DSE: variants seen among roughly 807,000 people sequenced by gnomAD.
The protein encoded by DSE is dermatan sulfate epimerase, also known as dermatan-sulfate epimerase.
A neutral mutation model predicts 84.4 loss-of-function variants in DSE; 36 were observed. The ratio of observed to expected loss-of-function variants is 0.43; its 90% CI spans 0.33 to 0.56. The LOEUF is 0.56. DSE is among the 20% of genes least tolerant of loss of function. DSE has a pLI of 0.06. For synonymous variants in DSE, 410 were observed against 430.1 expected, an observed-to-expected ratio of 0.95 and a Z score of 0.58; for missense variants, 862 against 1,169.6, an observed-to-expected ratio of 0.74 and a Z score of 3.84.
chr6:116,383,769 G>A (rs1780399459), intron 1 of DSE, among the ~76,000 whole-genome samples: 1 of 152,166 alleles, frequency 6.6e-6, no homozygotes, highest in African/African-American at 2.4e-5. Context: ...TTCTGCAGCA[G>A]CATGTTATTT....
At chr6:116,330,959 C>G (rs1776898932) in intron 2 of DSE, among the ~76,000 whole-genome samples, 1 of 151,942 alleles carries the variant, frequency 6.6e-6, no homozygotes, top group African/African-American at 2.4e-5. Flanking sequence ...TGCAATTATG[C>G]AATGTTAGTT....
chr6:116,304,247 C>G (rs1427623144), intron 2 of DSE, among the ~76,000 whole-genome samples: 1 of 152,190 alleles, frequency 6.6e-6, no homozygotes. Context: ...GCGCCACTCA[C>G]ATTTTCATGA....
intron 2 of DSE, among the ~76,000 whole-genome samples, chr6:116,354,554 C>G (rs1778480172): frequency 4.6e-5 from 7 of 152,214 alleles, no homozygotes; most frequent in Admixed American, 3.9e-4. Context: ...GGAAGGGGCT[C>G]AAGAAACTTG....
intron 2 of DSE, among the ~76,000 whole-genome samples, chr6:116,307,215 T>G (rs1186642177): frequency 6.6e-6 from 1 of 152,228 alleles, no homozygotes; most frequent in Non-Finnish European, 1.5e-5. Context: ...GCTTGCTGAA[T>G]GAATATGGCA....
At chr6:116,279,416 T>C in intron 2 of DSE, 3 of 1,613,406 alleles carry the variant, frequency 1.9e-6, no homozygotes, top group Non-Finnish European at 2.5e-6. Flanking sequence ...GACGCGGATC[T>C]CTGGGCGCCA....
intron 2 of DSE, among the ~76,000 whole-genome samples, chr6:116,264,316 G>C (rs1452982772): frequency 6.6e-6 from 1 of 151,534 alleles, no homozygotes; most frequent in Non-Finnish European, 1.5e-5. Flanking sequence ...CTCTATTCTT[G>C]TCTGACTAGC....
intron 2 of DSE, among the ~76,000 whole-genome samples, chr6:116,355,236 C>T (rs1778511075): frequency 6.6e-6 from 1 of 152,126 alleles, no homozygotes; most frequent in Admixed American, 6.6e-5. Context: ...CATATTTGTC[C>T]TCCGAATCCT....
At chr6:116,373,083 G>A (rs1338260707) in intron 1 of DSE, among the ~76,000 whole-genome samples, 1 of 151,638 alleles carries the variant, frequency 6.6e-6, no homozygotes, top group Admixed American at 6.6e-5. Context: ...GGCTGGGTGC[G>A]GTGGCTCACG....
chr6:116,394,957 A>G (rs1583164199), intron 1 of DSE, among the ~76,000 whole-genome samples: 1 of 152,232 alleles, frequency 6.6e-6, no homozygotes, highest in East Asian at 1.9e-4. Context: ...GCGAAGTGCA[A>G]CTTAAAGATT....
intron 2 of DSE, among the ~76,000 whole-genome samples, chr6:116,269,863 TCTTTG>T (rs1772808904): frequency 6.6e-6 from 1 of 152,114 alleles, no homozygotes; most frequent in Non-Finnish European, 1.5e-5. Flanking sequence ...GACCTGAAAA[TCTTTG>T]CTTATAATAG....
chr6:116,279,589 G>A, intron 2 of DSE: 1 of 1,602,344 alleles, frequency 6.2e-7, no homozygotes. Flanking sequence ...TCGGATCTGG[G>A]GAGTACCGCC....
chr6:116,405,748 G>A (rs953823350), intron 2 of DSE, among the ~76,000 whole-genome samples: 8 of 152,154 alleles, frequency 5.3e-5, no homozygotes. Flanking sequence ...TGTTACAAAT[G>A]GATTCTTGGG....
intron 2 of DSE, among the ~76,000 whole-genome samples, chr6:116,293,699 C>G (rs1305206655): frequency 6.6e-6 from 1 of 152,042 alleles, no homozygotes; most frequent in Non-Finnish European, 1.5e-5. Context: ...CTCAGGAGTT[C>G]AAGATCAGCC....
chr6:116,416,550 T>A (rs1323341695), intron 2 of DSE, among the ~76,000 whole-genome samples: 1 of 152,102 alleles, frequency 6.6e-6, no homozygotes, highest in Non-Finnish European at 1.5e-5. Flanking sequence ...ATATTTTTGA[T>A]GTTGTGTGTT....
intron 2 of DSE, chr6:116,400,778 T>G (rs991470337): frequency 6.6e-6 from 1 of 152,172 alleles, no homozygotes; most frequent in African/African-American, 2.4e-5. Context: ...GTTTCTGACT[T>G]TGACTGACAT....
At chr6:116,310,456 A>G (rs962773249) in intron 2 of DSE, among the ~76,000 whole-genome samples, 2 of 151,632 alleles carry the variant, frequency 1.3e-5, no homozygotes, top group Non-Finnish European at 2.9e-5. Context: ...CAGGTTTTCA[A>G]CTCTTACTAT....
At chr6:116,340,252 C>A (rs1777508744) in intron 2 of DSE, among the ~76,000 whole-genome samples, 1 of 152,030 alleles carries the variant, frequency 6.6e-6, no homozygotes, top group Admixed American at 6.6e-5. Flanking sequence ...CCTTCTGGAG[C>A]TCTCATTATA....
intron 2 of DSE, among the ~76,000 whole-genome samples, chr6:116,406,793 C>G (rs1781958337): frequency 6.6e-6 from 1 of 152,158 alleles, no homozygotes; most frequent in South Asian, 2.1e-4. Context: ...CTTTTCCTTT[C>G]CAGTGTCAAC....
intron 1 of DSE, among the ~76,000 whole-genome samples, chr6:116,375,762 A>G (rs1213887633): frequency 6.6e-6 from 1 of 152,252 alleles, no homozygotes; most frequent in Non-Finnish European, 1.5e-5. Context: ...CTGAACATAC[A>G]TCTACATAAA....
Sources: allele counts gnomAD v4.1 joint callset (sites outside exome capture counted in the v4.1 genomes callset), GRCh38; gene constraint gnomAD v4.1.1; transcripts MANE v1.5; gene names NCBI Gene and HGNC (gene_info 2026-07-23, HGNC 2026-07-21).